CUX2: variants seen among roughly 807,000 people sequenced by gnomAD.
The protein encoded by CUX2 is cut like homeobox 2, also known as homeobox protein cut-like 2.
A neutral mutation model predicts 144.8 loss-of-function variants in CUX2; 40 were observed. The observed-to-expected ratio is 0.28, with a 90% CI of 0.21 to 0.36. CUX2 has a LOEUF of 0.36. Ranked by LOEUF, CUX2 falls within the 10% of genes least tolerant of loss-of-function variation. CUX2 has a pLI of 1.00. For missense variants in CUX2, 1,615 were observed against 1,994.0 expected (o/e 0.81, Z 3.62); for synonymous variants, 827 against 875.6 (o/e 0.94, Z 0.98).
At chr12:111,220,623 GA>G (rs1041270951) in intron 3 of CUX2, among the ~76,000 whole-genome samples, 1 of 151,406 alleles carries the variant, frequency 6.6e-6, no homozygotes, top group Non-Finnish European at 1.5e-5. Context: ...TAAGGATTCA[GA>G]AGCCAGGTGC....
intron 3 of CUX2, among the ~76,000 whole-genome samples, chr12:111,245,835 C>T (rs1282731347): frequency 1.3e-5 from 2 of 152,008 alleles, no homozygotes; most frequent in South Asian, 2.1e-4. Flanking sequence ...ACCAGGGTGG[C>T]GTTTCATCCC....
Position 111,277,511 on chromosome 12 carries a change from G to A in CUX2, c.301+13672G>A, listed in dbSNP as rs968212467. 2.0e-5 allele frequency among the ~76,000 whole-genome samples: 3 copies of A among 151,912 alleles called. No individual in the cohort carries two copies. Among genetic ancestry groups the A allele is most frequent in the Non-Finnish European group, 4.4e-5 (3 of 67,972 alleles). ...GAGACACCACTCCCCTCACCAGGCT[G>A]CCCATTTAGCGCCACCCAGCCCACC... On this transcript the variant is annotated intron_variant, in intron 4 of 21. Transcript: ENST00000261726. The surrounding 1 kb of genome is among the most constrained non-coding windows in gnomAD (Gnocchi z 5.0).
At chr12:111,115,955 A>G (rs2136088482) in intron 1 of CUX2, among the ~76,000 whole-genome samples, 1 of 152,344 alleles carries the variant, frequency 6.6e-6, no homozygotes, top group Middle Eastern at 3.4e-3. Context: ...TCTTTGACAT[A>G]GATCTGAGAA....
At chr12:111,168,965 T>G (rs1327015599) in intron 1 of CUX2, among the ~76,000 whole-genome samples, 1 of 151,114 alleles carries the variant, frequency 6.6e-6, no homozygotes. Context: ...CTCCCCCCAC[T>G]GTCATCACTA....
intron 14 of CUX2, among the ~76,000 whole-genome samples, chr12:111,309,093 TG>T (rs1886744921): frequency 1.3e-5 from 2 of 152,104 alleles, no homozygotes; most frequent in South Asian, 4.2e-4. Flanking sequence ...TTAGCAGAGA[TG>T]GGGTTTCATC....
intron 9 of CUX2, among the ~76,000 whole-genome samples, chr12:111,302,316 T>C: frequency 6.6e-6 from 1 of 152,168 alleles, no homozygotes; most frequent in East Asian, 1.9e-4. Context: ...TTAACAAAGT[T>C]AACCAATTAT....
intron 16 of CUX2, among the ~76,000 whole-genome samples, chr12:111,318,250 T>C (rs988673630): frequency 6.7e-6 from 1 of 148,208 alleles, no homozygotes; most frequent in African/African-American, 2.5e-5. Context: ...TTTTTCTTTT[T>C]TTTTTTTTTT....
At chr12:111,060,209 C>G (rs1226637912) in intron 1 of CUX2, among the ~76,000 whole-genome samples, 4 of 152,172 alleles carry the variant, frequency 2.6e-5, no homozygotes, top group Non-Finnish European at 5.9e-5. Flanking sequence ...CTCCCCTCAC[C>G]CTCATCCAAT....
chr12:111,143,862 C>T lies in CUX2; in HGVS notation c.64-70338C>T, dbSNP rs550507684. Among the ~76,000 whole-genome samples the T allele has an allele frequency of 4.6e-5, 7 of 152,268 alleles. No individual in the cohort carries two copies. In the South Asian group the frequency reaches 1.2e-3, roughly 27 times the overall value. The stretch of plus-strand genomic sequence containing the variant: ...CAGTTTCCCTCTCTGTCAGCACCTC[C>T]CAGGATTCCTCTTGGGAGTTGTTGC... On this transcript the variant is annotated intron_variant, in intron 1 of 21. Transcript: ENST00000261726.
chr12:111,321,770 C>A (rs556592377), intron 17 of CUX2, among the ~76,000 whole-genome samples: 5 of 152,222 alleles, frequency 3.3e-5, no homozygotes, highest in African/African-American at 1.2e-4. Context: ...TGGTTGGTGC[C>A]CCTGCAATGC....
At chr12:111,323,716 A>T (rs1306183236) in intron 18 of CUX2, among the ~76,000 whole-genome samples, 1 of 151,940 alleles carries the variant, frequency 6.6e-6, no homozygotes, top group African/African-American at 2.4e-5. Context: ...TTGAGCTGTG[A>T]TCATCCCACT....
chr12:111,236,086 G>A lies in CUX2; in HGVS notation c.222+18149G>A, dbSNP rs563866951. On this transcript the variant is annotated intron_variant, in intron 3 of 21. Transcript: ENST00000261726. ...AGCCTCATCTTTCCTATCTGGAAAAGGGGGGATAGTATTTGTCCTTCCCTG... is the reference window on the plus strand; with the variant it reads ...AGCCTCATCTTTCCTATCTGGAAAAAGGGGGATAGTATTTGTCCTTCCCTG... Among the ~76,000 whole-genome samples the A allele has an allele frequency of 3.0e-3, 451 of 152,298 alleles. 2 individuals are homozygous for A. Among genetic ancestry groups the A allele is most frequent in the South Asian group, 7.5e-3 (36 of 4,826 alleles).
intron 9 of CUX2, among the ~76,000 whole-genome samples, chr12:111,302,928 AAG>A (rs1476066184): frequency 2.7e-5 from 4 of 146,648 alleles, no homozygotes; most frequent in Non-Finnish European, 6.0e-5. Context: ...AGAAAAGAAA[AAG>A]AAATCTACCA....
chr12:111,087,366 C>CAAAAAAAAAAAA (rs1159500448), intron 1 of CUX2, among the ~76,000 whole-genome samples: 15 of 45,048 alleles, frequency 3.3e-4, no homozygotes, highest in Admixed American at 6.6e-4. Flanking sequence ...GACTCCATCT[C>CAAAAAAAAAAAA]AAAAAAAAAA....
chr12:111,091,624 A>G (rs962627077), intron 1 of CUX2, among the ~76,000 whole-genome samples: 2 of 152,152 alleles, frequency 1.3e-5, no homozygotes, highest in East Asian at 1.9e-4. Flanking sequence ...TTCTGAGGAC[A>G]CTTGTAACAA....
chr12:111,259,031 C>CTGTGTGTGTGTGTGTGTGTG (rs57814010), intron 3 of CUX2, among the ~76,000 whole-genome samples: 1 of 132,218 alleles, frequency 7.6e-6, no homozygotes, highest in Non-Finnish European at 1.6e-5. Flanking sequence ...CCACACCCAG[C>CTGTGTGTGTGTGTGTGTGTG]TGTGTGTGTG....
At chr12:111,125,260 A>C (rs571741462) in intron 1 of CUX2, among the ~76,000 whole-genome samples, 2 of 150,900 alleles carry the variant, frequency 1.3e-5, no homozygotes, top group African/African-American at 4.9e-5. Context: ...GCTCACTGCA[A>C]CCTCCGCCTC....
chr12:111,161,594 A>C (rs1028099459), intron 1 of CUX2, among the ~76,000 whole-genome samples: 5 of 152,246 alleles, frequency 3.3e-5, no homozygotes, highest in African/African-American at 1.2e-4. Context: ...CTCATTGTAC[A>C]GATGAGGAAA....
At position 111,263,882 on chromosome 12, in the gene CUX2, T is replaced by C. The variant is rs1251366271; in HGVS notation, c.301+43T>C. 1.3e-6 allele frequency: 2 copies of C among 1,539,174 alleles called. No individual in the cohort carries two copies. The highest frequency in any genetic ancestry group is 1.8e-6 in the Non-Finnish European group (2 of 1,112,132). On this transcript the variant is annotated intron_variant, in intron 4 of 21. Coordinates refer to ENST00000261726, the MANE Select transcript of CUX2 (RefSeq NM_015267.4). This position sits in a 1 kb window ranked among gnomAD's most constrained non-coding sequence, Gnocchi z 4.0. The stretch of plus-strand genomic sequence containing the variant: ...TCCGTAATTGAATAGTTAACGACAA[T>C]AAATAGCCATTAGGACTGTGACACA...
Sources: allele counts gnomAD v4.1 joint callset (sites outside exome capture counted in the v4.1 genomes callset), GRCh38; gene constraint gnomAD v4.1.1; non-coding constraint Gnocchi (gnomAD v3.1); transcripts MANE v1.5; gene names NCBI Gene and HGNC (gene_info 2026-07-23, HGNC 2026-07-21).